The following CC2D2B variants were observed in gnomAD, a reference collection of about 807,000 sequenced individuals.
CC2D2B encodes protein CC2D2B.
CC2D2B carries 128 observed loss-of-function variants against 161.2 expected under a neutral mutation model. The observed-to-expected ratio is 0.79, with a 90% CI of 0.69 to 0.92. The LOEUF is 0.92. Ranked by LOEUF, CC2D2B falls within the 40% of genes least tolerant of loss-of-function variation. The pLI, the probability that CC2D2B is intolerant of heterozygous loss-of-function variation, is 0.00. For missense variants in CC2D2B, 1,173 were observed against 1,375.1 expected (o/e 0.85, Z 2.32); for synonymous variants, 391 against 449.8 (o/e 0.87, Z 1.65).
intron 28 of CC2D2B, 32 bp downstream of exon 28, chr10:96,012,761 G>A (rs1335381839): frequency 7.8e-7 from 1 of 1,290,032 alleles, no homozygotes; most frequent in Admixed American, 1.7e-5. Flanking sequence ...CATCTTCATT[G>A]TGATTAAAGG....
chr10:95,921,908 C>T, intron 2 of CC2D2B, 108 bp from the exon 3 acceptor site: 1 of 587,892 alleles, frequency 1.7e-6, no homozygotes. Flanking sequence ...AACAAACCTG[C>T]ATGTTGTGCA....
At chr10:96,024,074 T>C (rs1315524796) in intron 32 of CC2D2B, among the ~76,000 whole-genome samples, 2 of 152,222 alleles carry the variant, frequency 1.3e-5, no homozygotes, top group East Asian at 3.9e-4. Flanking sequence ...CCCTCACTCT[T>C]GTCCATGTGA....
chr10:95,933,886 T>C (rs2075706984), intron 6 of CC2D2B, among the ~76,000 whole-genome samples: 2 of 152,176 alleles, frequency 1.3e-5, no homozygotes, highest in Admixed American at 1.3e-4. Context: ...AGGGAGTCTG[T>C]CCCTTAGCAG....
intron 22 of CC2D2B, among the ~76,000 whole-genome samples, chr10:95,993,942 GTATGTATGTGTATATATATATATA>G (rs1284295935): frequency 1.6e-4 from 4 of 25,358 alleles, no homozygotes; most frequent in South Asian, 1.3e-3. Flanking sequence ...GTGTGTGTGT[GTATGTATGTGTATATATATATATA>G]TATATATATA....
rs2079673861 is a variant in CC2D2B, at chr10:96,025,176, T to TA, written c.3947+266dup. Among the ~76,000 whole-genome samples the TA allele has an allele frequency of 4.9e-4, 5 of 10,278 alleles. No individual in the cohort carries two copies. The East Asian group carries it at 0.021, about 44-fold the overall frequency. The allele number at this position is 10,278 out of a possible 152,430, so 6.7% of individuals were successfully genotyped here. ...AAAAATATATATATATATATATATA[T>TA]ATATATATAAAAAAAAATATATATA... On this transcript the variant is annotated intron_variant, in intron 33 of 34. Transcript: ENST00000646931.
Position 95,938,901 on chromosome 10 carries a change from A to G in CC2D2B, c.777A>G (p.Pro259=), listed in dbSNP as rs1294298242. ...RLNVRKEPLN[P]LLKTIYRKAV... is the part of the protein sequence containing the mutation. ...ATGTAAGGAAGGAACCTTTAAATCC[A>G]TTACTTAAGACCATATACAGGAAGG... Residue 259 remains proline, a synonymous_variant, in exon 9 of 35, where the codon CCA becomes CCG. Coordinates refer to ENST00000646931, the MANE Select transcript of CC2D2B (RefSeq NM_001349008.3). The G allele has an allele frequency of 5.6e-6, 4 of 712,938 alleles. No homozygotes were observed. The highest frequency in any genetic ancestry group is 4.1e-5 in the Admixed American group (2 of 49,238). 44.2% of individuals were successfully genotyped at this position (712,938 alleles called of 1,614,324 possible). A position where few individuals can be genotyped will look rare whatever the true frequency, so the allele number is the denominator to read the frequency against.
intron 25 of CC2D2B, among the ~76,000 whole-genome samples, chr10:96,006,286 T>G (rs2078745618): frequency 6.7e-6 from 1 of 149,860 alleles, no homozygotes; most frequent in Non-Finnish European, 1.5e-5. Context: ...CATCTTAGGC[T>G]ATGTATTTTA....
chr10:95,929,018 AGT>A (rs1441788963), intron 6 of CC2D2B, among the ~76,000 whole-genome samples: 1 of 152,184 alleles, frequency 6.6e-6, no homozygotes, highest in Non-Finnish European at 1.5e-5. Flanking sequence ...TCCCACCAAC[AGT>A]GTAAAAGTGT....
At chr10:96,005,089 G>T (rs375701235) in intron 25 of CC2D2B, among the ~76,000 whole-genome samples, 2 of 152,160 alleles carry the variant, frequency 1.3e-5, no homozygotes, top group African/African-American at 4.8e-5. Flanking sequence ...GTAAAATATT[G>T]AGCAATAATT....
chr10:95,949,861 C>A, intron 9 of CC2D2B, 35 bp from the exon 10 acceptor site: 1 of 398,134 alleles, frequency 2.5e-6, no homozygotes, highest in South Asian at 1.3e-4. Context: ...GAAACTGAAT[C>A]AAATTAACAT....
chr10:95,991,226 G>C (rs1395717392), intron 20 of CC2D2B, 144 bp from the exon 21 acceptor site: 25 of 333,190 alleles, frequency 7.5e-5, no homozygotes, highest in Non-Finnish European at 1.2e-4. Flanking sequence ...GCAAACAGAA[G>C]AGTATTTTCA....
chr10:95,969,077 C>T (rs1474683690), intron 15 of CC2D2B, among the ~76,000 whole-genome samples, 176 bp downstream of exon 15: 1 of 152,140 alleles, frequency 6.6e-6, no homozygotes, highest in Non-Finnish European at 1.5e-5. Flanking sequence ...GTCTTTTATG[C>T]TGTAAGTACA....
At chr10:96,013,542 G>A in intron 28 of CC2D2B, among the ~76,000 whole-genome samples, 1 of 151,494 alleles carries the variant, frequency 6.6e-6, no homozygotes, top group East Asian at 1.9e-4. Context: ...ATGGTTACAT[G>A]CACCCTGTGC....
At chr10:95,922,149 G>C in intron 3 of CC2D2B, 73 bp downstream of exon 3, 1 of 818,092 alleles carries the variant, frequency 1.2e-6, no homozygotes, top group Non-Finnish European at 1.9e-6. Flanking sequence ...TTAATCCTGT[G>C]CCAGGGTTTC....
At chr10:95,926,842 G>GTGTGTGTGTGTGTGTGTGTT (rs1387231849) in intron 5 of CC2D2B, among the ~76,000 whole-genome samples, 3 of 142,652 alleles carry the variant, frequency 2.1e-5, no homozygotes, top group Admixed American at 7.2e-5. Flanking sequence ...GTGTGTGTGT[G>GTGTGTGTGTGTGTGTGTGTT]TGTGTCTGTG....
At chr10:95,953,307 A>G (rs544245686) in intron 10 of CC2D2B, among the ~76,000 whole-genome samples, 139 of 152,222 alleles carry the variant, frequency 9.1e-4, no homozygotes, top group African/African-American at 3.2e-3. Flanking sequence ...GGCTCAAGTG[A>G]TGCTCTCACT....
intron 34 of CC2D2B, among the ~76,000 whole-genome samples, chr10:96,031,278 C>T (rs1035070688): frequency 1.1e-4 from 17 of 152,072 alleles, no homozygotes; most frequent in Non-Finnish European, 4.4e-5. Flanking sequence ...ATGGGAAGAG[C>T]GTGTGAACAG....
At chr10:95,980,195 GAGGA>G in intron 17 of CC2D2B, among the ~76,000 whole-genome samples, 1 of 146,916 alleles carries the variant, frequency 6.8e-6, no homozygotes, top group Non-Finnish European at 1.5e-5. Flanking sequence ...GGAAGGAAGA[GAGGA>G]AGGGAGGGAG....
At chr10:95,951,220 A>G (rs1490653093) in intron 10 of CC2D2B, among the ~76,000 whole-genome samples, 1 of 151,834 alleles carries the variant, frequency 6.6e-6, no homozygotes, top group Non-Finnish European at 1.5e-5. Context: ...TGGCTCAATC[A>G]TGGCTCACTG....
Sources: gnomAD v4.1 joint callset for allele counts (sites outside exome capture counted in the v4.1 genomes callset) on GRCh38, gnomAD v4.1.1 for gene constraint, MANE v1.5 for transcripts, NCBI Gene and HGNC (gene_info 2026-07-23, HGNC 2026-07-21) for gene names.